TES: variants seen among roughly 807,000 people sequenced by gnomAD.
TES encodes testin.
A neutral mutation model predicts 48.2 loss-of-function variants in TES; 41 were observed. That is an observed-to-expected ratio of 0.85 (90% CI 0.66 to 1.10). The LOEUF (loss-of-function observed/expected upper bound fraction) is 1.10, where lower values mean the gene tolerates loss of function less well. Among genes scored for constraint, TES ranks in the 50% least tolerant of loss-of-function variants. The pLI is 0.00. For missense variants in TES, 463 were observed against 515.1 expected (o/e 0.90, Z 0.98); for synonymous variants, 162 against 174.9 (o/e 0.93, Z 0.58).
intron 3 of TES, chr7:116,249,907 A>G (rs1287996598): frequency 6.0e-6 from 2 of 333,682 alleles, no homozygotes; most frequent in Non-Finnish European, 5.4e-6. Context: ...TAGCTTAAGT[A>G]AACAGTAGTA....
rs1284180651 is a variant in TES, at chr7:116,257,979, G to A, written c.*497G>A. On this transcript the variant is annotated 3_prime_UTR_variant, in exon 7 of 7. Coordinates refer to ENST00000358204, the MANE Select transcript of TES (RefSeq NM_015641.4). ...TGAATTCTTTTTGACAAAGAGAAAT[G>A]CAGTGTAGTATGCAGAGCTGCTGTT... The A allele has an allele frequency of 6.5e-6, 1 of 153,200 alleles. No homozygotes were observed. Among genetic ancestry groups the A allele is most frequent in the Non-Finnish European group, 1.5e-5 (1 of 68,728 alleles). The allele number at this position is 153,200 out of a possible 1,614,324, so 9.5% of individuals were successfully genotyped here. A position where few individuals can be genotyped will look rare whatever the true frequency, so the allele number is the denominator to read the frequency against.
intron 3 of TES, chr7:116,249,923 G>C (rs1291567823): frequency 5.6e-6 from 2 of 357,524 alleles, no homozygotes; most frequent in Non-Finnish European, 9.9e-6. Flanking sequence ...TAGTAACTCA[G>C]ATCTTACAAA....
intron 1 of TES, among the ~76,000 whole-genome samples, chr7:116,230,858 A>C (rs1220401903): frequency 3.9e-5 from 6 of 152,208 alleles, no homozygotes. Context: ...TCTCTGAGCC[A>C]AATTAGATAC....
chr7:116,229,478 A>G lies in TES; in HGVS notation c.28-5056A>G, dbSNP rs544849426. 2.3e-4 allele frequency among the ~76,000 whole-genome samples: 35 copies of G among 152,312 alleles called. 1 individual carries two copies. Among genetic ancestry groups the G allele is most frequent in the Non-Finnish European group, 4.0e-4 (27 of 68,030 alleles). ...AAAGTGAATAATGGAGAGAAATTAG[A>G]GAAGCCCTTAGAGTAGATGGGGTTC... On this transcript the variant is annotated intron_variant, in intron 1 of 6. Transcript: ENST00000358204.
intron 4 of TES, among the ~76,000 whole-genome samples, chr7:116,251,062 A>T (rs1021316972): frequency 1.3e-5 from 2 of 152,234 alleles, no homozygotes; most frequent in Non-Finnish European, 2.9e-5. Flanking sequence ...TATATTCCTC[A>T]TAGCTCCAGT....
chr7:116,257,742 G>A lies in TES; in HGVS notation c.*260G>A. ...CTTTTCAAATGTGAAATCATTTTTG[G>A]AAGCTTGGATCTCATTAAACTTCAT... On this transcript the variant is annotated 3_prime_UTR_variant, in exon 7 of 7. Coordinates refer to ENST00000358204, the MANE Select transcript of TES (RefSeq NM_015641.4). The A allele has an allele frequency of 7.5e-6, 2 of 267,436 alleles. No individual in the cohort carries two copies. Among genetic ancestry groups the A allele is most frequent in the Non-Finnish European group, 1.4e-5 (2 of 143,234 alleles). The allele number at this position is 267,436 out of a possible 1,614,324, so 16.6% of individuals were successfully genotyped here.
chr7:116,212,789 C>T (rs1027743762), intron 1 of TES, among the ~76,000 whole-genome samples: 40 of 152,074 alleles, frequency 2.6e-4, no homozygotes, highest in Non-Finnish European at 1.6e-4. Flanking sequence ...TCGTTTATCC[C>T]CCACTTTACT....
At chr7:116,224,692 G>A (rs3779508) in intron 1 of TES, among the ~76,000 whole-genome samples, 29,241 of 151,998 alleles carry the variant, frequency 0.19, 3,059 homozygotes, top group East Asian at 0.43. Context: ...TAGTGTAGCT[G>A]ATGTGCAGAC....
intron 6 of TES, 55 bp from the exon 7 acceptor site, chr7:116,257,239 T>C (rs1800112985): frequency 1.4e-6 from 2 of 1,470,284 alleles, no homozygotes; most frequent in Non-Finnish European, 9.2e-7. Context: ...AAGATGAAAA[T>C]GTTACCATTA....
At chr7:116,252,549 C>T (rs908004475) in intron 6 of TES, 73 bp downstream of exon 6, 1 of 1,604,158 alleles carries the variant, frequency 6.2e-7, no homozygotes, top group Middle Eastern at 1.7e-4. Flanking sequence ...CTTAAAGCCT[C>T]TTACAAATGG....
intron 1 of TES, among the ~76,000 whole-genome samples, chr7:116,215,584 C>G (rs2116569999): frequency 6.6e-6 from 1 of 152,290 alleles, no homozygotes; most frequent in Admixed American, 6.5e-5. Context: ...ACCTTATCTT[C>G]TAAGATTCTC....
At chr7:116,241,726 G>A (rs1018502884) in intron 2 of TES, among the ~76,000 whole-genome samples, 8 of 152,098 alleles carry the variant, frequency 5.3e-5, no homozygotes, top group African/African-American at 1.7e-4. Context: ...TTATTGGTAT[G>A]TTGTTTTAAC....
At chr7:116,217,841 A>C (rs918549568) in intron 1 of TES, 1 of 516,784 alleles carries the variant, frequency 1.9e-6, no homozygotes, top group Non-Finnish European at 3.9e-6. Flanking sequence ...GCCATTTAGC[A>C]TGGTTTTGTC....
chr7:116,230,233 CACTT>C (rs1330576030), intron 1 of TES, among the ~76,000 whole-genome samples: 2 of 152,158 alleles, frequency 1.3e-5, no homozygotes, highest in African/African-American at 2.4e-5. Context: ...CACTCTCTTT[CACTT>C]ACTTGCTCTC....
chr7:116,232,345 A>T (rs760069155), intron 1 of TES, among the ~76,000 whole-genome samples: 1 of 152,178 alleles, frequency 6.6e-6, no homozygotes. Flanking sequence ...AATTTATTCC[A>T]TGTTGTGAAT....
chr7:116,251,067 T>C lies in TES; in HGVS notation c.702+571T>C, dbSNP rs998652590. 3.3e-5 allele frequency among the ~76,000 whole-genome samples: 5 copies of C among 152,202 alleles called. No individual in the cohort carries two copies. In the South Asian group the frequency reaches 1.0e-3, roughly 32 times the overall value. On this transcript the variant is annotated intron_variant, in intron 4 of 6. Coordinates refer to ENST00000358204, the MANE Select transcript of TES (RefSeq NM_015641.4). ...CCTGCTGTAATATATTCCTCATAGC[T>C]CCAGTTAGCACACCAACCAATAAGG...
rs552197555 is a variant in TES, at chr7:116,217,403, A to G, written c.27+6669A>G. On this transcript the variant is annotated intron_variant, in intron 1 of 6. Transcript: ENST00000358204. The stretch of plus-strand genomic sequence containing the variant: ...AACTATAAGTCTTCTCCCTGCCTAC[A>G]AATGCCTTACAAAAGAGTCATTCTT... Among the ~76,000 whole-genome samples the G allele has an allele frequency of 4.6e-5, 7 of 152,274 alleles. No individual in the cohort carries two copies. In the East Asian group the frequency reaches 1.2e-3, roughly 25 times the overall value.
intron 1 of TES, among the ~76,000 whole-genome samples, chr7:116,218,765 T>C (rs1180898280): frequency 6.6e-6 from 1 of 152,120 alleles, no homozygotes; most frequent in East Asian, 1.9e-4. Context: ...CAGTGCTGGA[T>C]AGAATGACAT....
chr7:116,246,743 A>T (rs1002111450), intron 2 of TES, among the ~76,000 whole-genome samples: 1 of 152,170 alleles, frequency 6.6e-6, no homozygotes, highest in African/African-American at 2.4e-5. Flanking sequence ...TATGTTTCAT[A>T]CATCGTCCAG....
Sources: allele counts gnomAD v4.1 joint callset (sites outside exome capture counted in the v4.1 genomes callset), GRCh38; gene constraint gnomAD v4.1.1; transcripts MANE v1.5; gene names NCBI Gene and HGNC (gene_info 2026-07-23, HGNC 2026-07-21).